The following MEMO1 variants were observed in gnomAD, a reference collection of about 807,000 sequenced individuals.
The protein encoded by MEMO1 is mediator of cell motility 1.
A neutral mutation model predicts 45.2 loss-of-function variants in MEMO1; 6 were observed. The observed-to-expected ratio is 0.13, with a 90% CI of 0.07 to 0.26. The LOEUF (loss-of-function observed/expected upper bound fraction) is 0.26, where lower values mean the gene tolerates loss of function less well. Ranked by LOEUF, MEMO1 falls within the 10% of genes least tolerant of loss-of-function variation. The pLI is 1.00. For missense variants in MEMO1, 184 were observed against 370.5 expected (o/e 0.50, Z 4.13); for synonymous variants, 78 against 124.3 (o/e 0.63, Z 2.48).
intron 5 of MEMO1, among the ~76,000 whole-genome samples, 194 bp from the exon 6 acceptor site, chr2:31,918,231 G>A (rs1022131151): frequency 4.0e-5 from 6 of 151,750 alleles, no homozygotes; most frequent in Admixed American, 2.6e-4. Flanking sequence ...AGGAGAAAGA[G>A]AAAAAAACAG....
chr2:31,947,470 T>C (rs1666325391), intron 2 of MEMO1, among the ~76,000 whole-genome samples: 1 of 152,240 alleles, frequency 6.6e-6, no homozygotes, highest in South Asian at 2.1e-4. Flanking sequence ...TATGGTATCC[T>C]TGATACATGA....
chr2:31,934,592 G>A (rs1234202435), intron 3 of MEMO1, among the ~76,000 whole-genome samples: 1 of 152,148 alleles, frequency 6.6e-6, no homozygotes, highest in Non-Finnish European at 1.5e-5. Context: ...GGAAGAACAT[G>A]AGCAAATGTC....
chr2:31,903,140 C>A (rs1679117536), intron 6 of MEMO1, among the ~76,000 whole-genome samples: 1 of 151,726 alleles, frequency 6.6e-6, no homozygotes, highest in Admixed American at 6.6e-5. Flanking sequence ...CTTAATCTTC[C>A]CCTGCCATTA....
chr2:31,941,434 CTCTA>C (rs1394749536), intron 3 of MEMO1, among the ~76,000 whole-genome samples: 4 of 152,126 alleles, frequency 2.6e-5, no homozygotes, highest in African/African-American at 9.7e-5. Context: ...ACTCTCAATC[CTCTA>C]TCTGCTTTAT....
intron 2 of MEMO1, among the ~76,000 whole-genome samples, chr2:32,002,252 C>T (rs898739941): frequency 1.0e-4 from 14 of 136,296 alleles, no homozygotes; most frequent in Non-Finnish European, 1.7e-4. Flanking sequence ...TACATATATA[C>T]GTGTATATAT....
chr2:31,931,743 A>T (rs1164206383), intron 4 of MEMO1, among the ~76,000 whole-genome samples: 1 of 152,198 alleles, frequency 6.6e-6, no homozygotes, highest in Non-Finnish European at 1.5e-5. Context: ...GAAATGATTA[A>T]AACAGATCAG....
chr2:31,949,642 C>CA (rs549686329), intron 2 of MEMO1, among the ~76,000 whole-genome samples: 62,767 of 109,036 alleles, frequency 0.58, 18,976 homozygotes, highest in Non-Finnish European at 0.61. Flanking sequence ...TTAATGGGTA[C>CA]AAAAAAAAAA....
At chr2:31,971,035 C>G (rs914345045) in intron 2 of MEMO1, among the ~76,000 whole-genome samples, 1 of 152,122 alleles carries the variant, frequency 6.6e-6, no homozygotes, top group African/African-American at 2.4e-5. Flanking sequence ...ATATAATTAC[C>G]TACAAATTAG....
At chr2:31,968,627 A>C (rs1388530723) in intron 2 of MEMO1, among the ~76,000 whole-genome samples, 1 of 152,170 alleles carries the variant, frequency 6.6e-6, no homozygotes, top group Non-Finnish European at 1.5e-5. Flanking sequence ...CTTTTCTTTC[A>C]ATTGTTTCCC....
In MEMO1 at chr2:31,913,554, CAT is replaced by C. The variant is rs1026853150; in HGVS notation, c.437+4370_437+4371del. Among the ~76,000 whole-genome samples the C allele has an allele frequency of 9.4e-5, 13 of 138,074 alleles. No individual in the cohort carries two copies. In the East Asian group the frequency reaches 2.4e-3, roughly 25 times the overall value. 90.6% of individuals were successfully genotyped at this position (138,074 alleles called of 152,430 possible). On this transcript the variant is annotated intron_variant, in intron 6 of 9. Coordinates refer to ENST00000404530, the MANE Select transcript of MEMO1 (RefSeq NM_001301833.4). ...TTTTATTTTTTGAAAATTAAAAAAA[CAT>C]GTAATTTTTTTTTAAAAAAAGAACA...
At chr2:31,906,110 T>TA (rs1364538380) in intron 6 of MEMO1, among the ~76,000 whole-genome samples, 1 of 151,122 alleles carries the variant, frequency 6.6e-6, no homozygotes, top group African/African-American at 2.4e-5. Context: ...GTAGCTGGGA[T>TA]ACAGGCACAC....
intron 2 of MEMO1, among the ~76,000 whole-genome samples, chr2:31,956,675 GA>G: frequency 6.6e-6 from 1 of 152,262 alleles, no homozygotes; most frequent in South Asian, 2.1e-4. Flanking sequence ...TAAGCAACCG[GA>G]AAACAATGAA....
chr2:31,923,347 T>C (rs1460458257), intron 4 of MEMO1, among the ~76,000 whole-genome samples: 1 of 152,150 alleles, frequency 6.6e-6, no homozygotes, highest in African/African-American at 2.4e-5. Context: ...AAGTTCCTTA[T>C]AGACGACAGA....
chr2:31,884,564 T>C (rs1675902518), intron 7 of MEMO1, among the ~76,000 whole-genome samples: 1 of 152,232 alleles, frequency 6.6e-6, no homozygotes, highest in Non-Finnish European at 1.5e-5. Context: ...AAAAAAATTA[T>C]GTAAATGATG....
intron 8 of MEMO1, among the ~76,000 whole-genome samples, chr2:31,871,479 A>G (rs1673720713): frequency 6.8e-6 from 1 of 146,088 alleles, no homozygotes; most frequent in African/African-American, 2.5e-5. Flanking sequence ...CTTCACAAAC[A>G]TTATCAATAT....
chr2:32,010,600 C>A (rs1409309213), intron 1 of MEMO1: 2 of 172,384 alleles, frequency 1.2e-5, no homozygotes, highest in Non-Finnish European at 2.5e-5. Context: ...GCCGCCCCCA[C>A]GGCCCCCTCC....
rs192510230 is a variant in MEMO1, at chr2:31,980,591, A to C, written c.61+29596T>G. 3.1e-4 allele frequency among the ~76,000 whole-genome samples: 47 copies of C among 152,220 alleles called. 1 individual carries two copies. Among genetic ancestry groups the C allele is most frequent in the Non-Finnish European group, 1.8e-4 (12 of 68,014 alleles). Reference sequence around the variant, plus strand: ...CTATCATAATTAGAATAAAACACAAACTATTTTACCAATCCTATATAAGAT... The same window carrying C: ...CTATCATAATTAGAATAAAACACAACCTATTTTACCAATCCTATATAAGAT... On this transcript the variant is annotated intron_variant, in intron 2 of 9. Coordinates refer to ENST00000404530, the MANE Select transcript of MEMO1 (RefSeq NM_001301833.4).
chr2:32,002,981 A>G (rs1673596793), intron 2 of MEMO1, among the ~76,000 whole-genome samples: 1 of 152,232 alleles, frequency 6.6e-6, no homozygotes, highest in African/African-American at 2.4e-5. Flanking sequence ...ATCAGCATAC[A>G]GAAAACAGTA....
At chr2:31,985,650 T>C (rs1021022277) in intron 2 of MEMO1, among the ~76,000 whole-genome samples, 7 of 152,126 alleles carry the variant, frequency 4.6e-5, no homozygotes, top group Non-Finnish European at 8.8e-5. Flanking sequence ...CCACCAAGAA[T>C]TAGTGTTGCT....
Sources: allele counts gnomAD v4.1 joint callset (sites outside exome capture counted in the v4.1 genomes callset), GRCh38; gene constraint gnomAD v4.1.1; transcripts MANE v1.5; gene names NCBI Gene and HGNC (gene_info 2026-07-23, HGNC 2026-07-21).